Variants in MTR observed in about 807,000 individuals in gnomAD.
MTR encodes the protein 5-methyltetrahydrofolate-homocysteine methyltransferase, also known as methionine synthase.
MTR carries 84 observed loss-of-function variants against 154.8 expected under a neutral mutation model. The ratio of observed to expected loss-of-function variants is 0.54; its 90% CI spans 0.45 to 0.65. MTR has a LOEUF of 0.65. Ranked by LOEUF, MTR falls within the 30% of genes least tolerant of loss-of-function variation. The pLI, the probability that MTR is intolerant of heterozygous loss-of-function variation, is 0.00. For missense variants in MTR, 1,275 were observed against 1,570.2 expected (o/e 0.81, Z 3.18); for synonymous variants, 554 against 553.9 (o/e 1.00, Z 0.00).
intron 16 of MTR, 128 bp downstream of exon 16, chr1:236,850,651 T>G: frequency 2.1e-6 from 2 of 959,708 alleles, no homozygotes; most frequent in Non-Finnish European, 3.2e-6. Context: ...GTAAATTGTT[T>G]TTCTGAAATG....
chr1:236,799,418 C>T (rs1161471554), intron 1 of MTR, among the ~76,000 whole-genome samples: 1 of 152,100 alleles, frequency 6.6e-6, no homozygotes, highest in African/African-American at 2.4e-5. Context: ...CCACCACACC[C>T]AGCCCAAGTA....
At chr1:236,812,171 G>A (rs1572196140) in intron 5 of MTR, among the ~76,000 whole-genome samples, 1 of 152,254 alleles carries the variant, frequency 6.6e-6, no homozygotes, top group East Asian at 1.9e-4. Flanking sequence ...ACTGCACTGG[G>A]CCAACCCAAG....
chr1:236,841,647 C>CTTT lies in MTR; in HGVS notation c.1515+3060_1515+3062dup, dbSNP rs376000408. Among the ~76,000 whole-genome samples the CTTT allele has an allele frequency of 3.3e-4, 48 of 145,908 alleles. 1 individual carries two copies. In the South Asian group the frequency reaches 4.1e-3, roughly 12 times the overall value. On this transcript the variant is annotated intron_variant, in intron 15 of 32. Coordinates refer to ENST00000366577, the MANE Select transcript of MTR (RefSeq NM_000254.3). ...CATAATTTCCAAATTCTTGGTTAAT[C>CTTT]TTTTTTTTTTTTTTAGTCATTTGGT...
intron 22 of MTR, among the ~76,000 whole-genome samples, chr1:236,868,277 T>C (rs1664931165): frequency 1.3e-5 from 2 of 150,610 alleles, no homozygotes; most frequent in Admixed American, 6.6e-5. Context: ...TCATTAGCAT[T>C]TTTTTTTTAG....
chr1:236,816,733 A>G (rs761852498), intron 8 of MTR, among the ~76,000 whole-genome samples, 190 bp downstream of exon 8: 4 of 152,204 alleles, frequency 2.6e-5, no homozygotes, highest in Non-Finnish European at 4.4e-5. Context: ...AAACGGGTCA[A>G]TTTGAGGGAC....
At chr1:236,811,539 T>G (rs1661303391) in intron 5 of MTR, 2 of 453,778 alleles carry the variant, frequency 4.4e-6, no homozygotes, top group South Asian at 1.6e-5. Context: ...CAAATATGGT[T>G]TGTAGGTTTT....
At chr1:236,798,527 C>G (rs187408385) in intron 1 of MTR, among the ~76,000 whole-genome samples, 1 of 152,296 alleles carries the variant, frequency 6.6e-6, no homozygotes, top group African/African-American at 2.4e-5. Flanking sequence ...TAAATCCACT[C>G]AAAACTGGAG....
At chr1:236,804,488 G>A (rs866738265) in intron 2 of MTR, among the ~76,000 whole-genome samples, 58 of 151,482 alleles carry the variant, frequency 3.8e-4, no homozygotes, top group African/African-American at 1.3e-3. Context: ...ACATTGCTTC[G>A]TACTGTCTTA....
chr1:236,801,442 G>A (rs1017536477), intron 1 of MTR, among the ~76,000 whole-genome samples: 2 of 152,176 alleles, frequency 1.3e-5, no homozygotes, highest in African/African-American at 4.8e-5. Context: ...ATAGTTCTGT[G>A]ACCACCATTT....
intron 4 of MTR, among the ~76,000 whole-genome samples, chr1:236,810,017 G>A (rs1006715467): frequency 6.6e-6 from 1 of 152,208 alleles, no homozygotes; most frequent in African/African-American, 2.4e-5. Flanking sequence ...GCTACTGTAA[G>A]GTGATTTTGC....
At chr1:236,855,147 A>G (rs1286788877) in intron 18 of MTR, among the ~76,000 whole-genome samples, 1 of 152,206 alleles carries the variant, frequency 6.6e-6, no homozygotes, top group Non-Finnish European at 1.5e-5. Flanking sequence ...GAATATTATG[A>G]GGCAAATAAG....
chr1:236,881,802 G>T lies in MTR; in HGVS notation c.2676+966G>T, dbSNP rs568729236. Reference sequence around the variant, plus strand: ...TTATTGAAAATGTGTAGTGTGCCAGGTACTGAGCTAAGTGCTTTACATGGA... The same window carrying T: ...TTATTGAAAATGTGTAGTGTGCCAGTTACTGAGCTAAGTGCTTTACATGGA... On this transcript the variant is annotated intron_variant, in intron 25 of 32. Transcript: ENST00000366577. 2.7e-4 allele frequency among the ~76,000 whole-genome samples: 41 copies of T among 152,250 alleles called. No individual in the cohort carries two copies. In the South Asian group the frequency reaches 5.0e-3, roughly 19 times the overall value.
intron 4 of MTR, 146 bp downstream of exon 4, chr1:236,808,919 T>G: frequency 1.3e-6 from 1 of 758,846 alleles, no homozygotes; most frequent in Admixed American, 2.0e-5. Context: ...GTTTGTAGAT[T>G]ACTTCTCTGC....
At chr1:236,825,810 A>C (rs963696616) in intron 10 of MTR, among the ~76,000 whole-genome samples, 2 of 152,182 alleles carry the variant, frequency 1.3e-5, no homozygotes, top group African/African-American at 4.8e-5. Flanking sequence ...GTTAAATCCT[A>C]GGTCATGAGA....
In MTR at chr1:236,902,780, C is replaced by A. The variant is rs946199310; in HGVS notation, c.*5136C>A. On this transcript the variant is annotated 3_prime_UTR_variant, in exon 33 of 33. Transcript: ENST00000366577. ...CACCTTCAGTATTTCATATTAGATG[C>A]GGCCCAAGTGATACTTTCTTTACCG... 1 of 152,172 alleles carries A rather than the reference C, an allele frequency of 6.6e-6. No homozygotes were observed. Among genetic ancestry groups the A allele is most frequent in the South Asian group, 2.1e-4 (1 of 4,824 alleles). The allele number at this position is 152,172 out of a possible 1,614,324, so 9.4% of individuals were successfully genotyped here. A position where few individuals can be genotyped will look rare whatever the true frequency, so the allele number is the denominator to read the frequency against.
At chr1:236,891,360 C>A in intron 29 of MTR, 31 bp downstream of exon 29, 3 of 1,599,516 alleles carry the variant, frequency 1.9e-6, no homozygotes, top group South Asian at 2.2e-5. Context: ...GCCAGCACAC[C>A]GCTTTCGCTT....
At chr1:236,878,399 C>G (rs1419130489) in intron 24 of MTR, among the ~76,000 whole-genome samples, 1 of 152,102 alleles carries the variant, frequency 6.6e-6, no homozygotes, top group African/African-American at 2.4e-5. Context: ...TTCATGAAAA[C>G]ATCGCTGAGG....
chr1:236,855,335 A>G (rs989591059), intron 18 of MTR, among the ~76,000 whole-genome samples: 1 of 152,122 alleles, frequency 6.6e-6, no homozygotes, highest in Non-Finnish European at 1.5e-5. Context: ...TTTTTTGAAA[A>G]ACAATTTTCC....
rs1414249194 is a variant in MTR at position 236,808,711 on chromosome 1, G to A, written c.347G>A (p.Arg116Gln). 1.3e-5 allele frequency: 21 copies of A among 1,614,024 alleles called. No individual in the cohort carries two copies. The highest frequency in any genetic ancestry group is 1.1e-4 in the East Asian group (5 of 44,890). ...ADYGLEHLAY[R>Q]MNMCSAGVAR... is the part of the protein sequence containing the mutation. ...TTGTGGTTGATACGTTAGGCCTACC[G>A]GATGAACATGTGCTCTGCAGGAGTG... Residue 116 changes from arginine (R) to glutamine (Q), a missense_variant, in exon 4 of 33, where the codon CGG (arginine) becomes CAG (glutamine). By Grantham distance (43) the Arg-to-Gln change is conservative. Coordinates refer to ENST00000366577, the MANE Select transcript of MTR (RefSeq NM_000254.3).
Sources: gnomAD v4.1 joint callset for allele counts (sites outside exome capture counted in the v4.1 genomes callset) on GRCh38, gnomAD v4.1.1 for gene constraint, MANE v1.5 for transcripts, NCBI Gene and HGNC (gene_info 2026-07-23, HGNC 2026-07-21) for gene names.